Variants in WDR76 observed in about 807,000 individuals in gnomAD.
WDR76 encodes WD repeat-containing protein 76.
In WDR76, 52 loss-of-function variants were observed where a neutral mutation model predicts 70.2. The observed-to-expected ratio is 0.74, with a 90% CI of 0.59 to 0.93. WDR76 has a LOEUF of 0.93. Ranked by LOEUF, WDR76 falls within the 40% of genes least tolerant of loss-of-function variation. The probability of loss-of-function intolerance (pLI) is 0.00; values close to 1 mark genes in which losing one functional copy is unlikely to be tolerated. For missense variants in WDR76, 756 were observed against 760.2 expected, an observed-to-expected ratio of 0.99 and a Z score of 0.07; for synonymous variants, 292 against 271.1, an observed-to-expected ratio of 1.08 and a Z score of -0.76.
chr15:43,866,848 G>T lies in WDR76; in HGVS notation c.*456G>T, dbSNP rs1014567733. 1 of 157,730 alleles carries T rather than the reference G, an allele frequency of 6.3e-6. No individual in the cohort carries two copies. Among genetic ancestry groups the T allele is most frequent in the African/African-American group, 2.4e-5 (1 of 41,344 alleles). 9.8% of individuals were successfully genotyped at this position (157,730 alleles called of 1,614,324 possible). A position where few individuals can be genotyped will look rare whatever the true frequency, so the allele number is the denominator to read the frequency against. ...TCATCATGTTGGCCAGGCTGGTCTCGAGCTCCTGACCTCAGGTGATCTGCC... is the reference window on the plus strand; with the variant it reads ...TCATCATGTTGGCCAGGCTGGTCTCTAGCTCCTGACCTCAGGTGATCTGCC... On this transcript the variant is annotated 3_prime_UTR_variant, in exon 13 of 13. Coordinates refer to ENST00000263795, the MANE Select transcript of WDR76 (RefSeq NM_024908.4).
At chr15:43,864,584 T>C (rs987265691) in intron 12 of WDR76, among the ~76,000 whole-genome samples, 14 of 152,172 alleles carry the variant, frequency 9.2e-5, no homozygotes, top group African/African-American at 2.7e-4. Context: ...TTGCCCATTT[T>C]TTAATTATTT....
chr15:43,858,315 C>T (rs565187988), intron 10 of WDR76, among the ~76,000 whole-genome samples: 6 of 150,454 alleles, frequency 4.0e-5, no homozygotes, highest in African/African-American at 9.8e-5. Context: ...AGTGCAATGG[C>T]GCGATCTCGG....
chr15:43,850,765 T>C (rs2087847971), intron 8 of WDR76, among the ~76,000 whole-genome samples: 1 of 152,220 alleles, frequency 6.6e-6, no homozygotes, highest in African/African-American at 2.4e-5. Context: ...TTAGCAATTA[T>C]ACCATGTGTG....
chr15:43,864,108 A>T (rs2088039712), intron 12 of WDR76: 1 of 152,186 alleles, frequency 6.6e-6, no homozygotes, highest in South Asian at 2.1e-4. Flanking sequence ...CATCCACGAC[A>T]GGATTTTCTT....
At chr15:43,832,434 T>G (rs918940233) in intron 2 of WDR76, among the ~76,000 whole-genome samples, 3 of 7,302 alleles carry the variant, frequency 4.1e-4, no homozygotes, top group African/African-American at 7.9e-4. Flanking sequence ...TCATCTTTGT[T>G]TTTTTTTTGT....
intron 12 of WDR76, among the ~76,000 whole-genome samples, chr15:43,861,664 A>G (rs926177157): frequency 1.3e-5 from 2 of 151,918 alleles, no homozygotes; most frequent in Non-Finnish European, 2.9e-5. Context: ...GAACTGAATT[A>G]CTCATGTTAT....
intron 9 of WDR76, among the ~76,000 whole-genome samples, chr15:43,853,634 G>A (rs1174340021): frequency 3.3e-5 from 5 of 152,018 alleles, no homozygotes; most frequent in East Asian, 1.9e-4. Context: ...CACCGGGTGC[G>A]GTGGCTCACC....
chr15:43,863,039 G>A (rs1304597837), intron 12 of WDR76, among the ~76,000 whole-genome samples: 1 of 151,110 alleles, frequency 6.6e-6, no homozygotes, highest in African/African-American at 2.4e-5. Flanking sequence ...GGGTTCAGGC[G>A]ATTCTCCTGC....
chr15:43,840,648 A>G (rs2087713212), intron 5 of WDR76, among the ~76,000 whole-genome samples: 1 of 152,154 alleles, frequency 6.6e-6, no homozygotes, highest in Non-Finnish European at 1.5e-5. Context: ...AGCATAGAAG[A>G]GTAGCTTCAA....
At chr15:43,851,004 C>T in intron 8 of WDR76, 83 bp from the exon 9 acceptor site, 1 of 1,515,898 alleles carries the variant, frequency 6.6e-7, no homozygotes, top group East Asian at 2.3e-5. Flanking sequence ...AGTGTAAATT[C>T]TTTAATGACA....
In WDR76 at chr15:43,850,990, A is replaced by G; in HGVS notation, c.1033-97A>G. 1.2e-5 allele frequency: 17 copies of G among 1,434,646 alleles called. No individual in the cohort carries two copies. In the South Asian group the frequency reaches 2.3e-4, roughly 19 times the overall value. The allele number at this position is 1,434,646 out of a possible 1,614,324, so 88.9% of individuals were successfully genotyped here. A position where few individuals can be genotyped will look rare whatever the true frequency, so the allele number is the denominator to read the frequency against. ...ATAGACTAAGAAAAGACTGAATATA[A>G]TCCAGTGTAAATTCTTTAATGACAT... On this transcript the variant is annotated intron_variant, in intron 8 of 12. Coordinates refer to ENST00000263795, the MANE Select transcript of WDR76 (RefSeq NM_024908.4).
At chr15:43,863,299 T>C (rs1406295879) in intron 12 of WDR76, among the ~76,000 whole-genome samples, 1 of 152,176 alleles carries the variant, frequency 6.6e-6, no homozygotes, top group African/African-American at 2.4e-5. Context: ...TTTTGAAATA[T>C]ATACATTGTG....
At chr15:43,832,758 T>G (rs2087607625) in intron 2 of WDR76, among the ~76,000 whole-genome samples, 1 of 136,004 alleles carries the variant, frequency 7.4e-6, no homozygotes, top group Non-Finnish European at 1.6e-5. Flanking sequence ...TTTTTTTTTT[T>G]TTTTTTTTTT....
At chr15:43,837,395 C>A (rs2729494) in intron 4 of WDR76, among the ~76,000 whole-genome samples, 123,210 of 152,196 alleles carry the variant, frequency 0.81, 50,216 homozygotes, top group East Asian at 1. Flanking sequence ...TCCTGTTGCC[C>A]GCTGATTAGT....
Position 43,836,152 on chromosome 15 carries a change from A to G in WDR76, c.553-9A>G, listed in dbSNP as rs373128346. ...TATAACATTTTTACATGATTTTTAT[A>G]CTTTACAGTCTGCTGCAAGACTCCG... On this transcript the variant is annotated splice_polypyrimidine_tract_variant and intron_variant, in intron 3 of 12. Coordinates refer to ENST00000263795, the MANE Select transcript of WDR76 (RefSeq NM_024908.4). 3.0e-5 allele frequency: 48 copies of G among 1,601,824 alleles called. No homozygotes were observed. Among genetic ancestry groups the G allele is most frequent in the Non-Finnish European group, 3.6e-5 (42 of 1,175,442 alleles).
chr15:43,833,852 G>C (rs1458838079), intron 2 of WDR76, among the ~76,000 whole-genome samples: 1 of 151,800 alleles, frequency 6.6e-6, no homozygotes, highest in Non-Finnish European at 1.5e-5. Context: ...GGCCAGGATG[G>C]TCCTGATTTC....
At chr15:43,832,637 G>C (rs567563244) in intron 2 of WDR76, among the ~76,000 whole-genome samples, 3 of 150,616 alleles carry the variant, frequency 2.0e-5, no homozygotes, top group African/African-American at 7.3e-5. Context: ...GTAGAGATTA[G>C]GTTTCACCAT....
At chr15:43,841,200 TG>T (rs1458272280) in intron 5 of WDR76, among the ~76,000 whole-genome samples, 113 of 142,266 alleles carry the variant, frequency 7.9e-4, no homozygotes, top group African/African-American at 2.0e-3. Context: ...TTTGTTTTTT[TG>T]TTTTTTTTTT....
chr15:43,863,561 A>ATTT (rs1567194187), intron 12 of WDR76, among the ~76,000 whole-genome samples: 67 of 138,910 alleles, frequency 4.8e-4, no homozygotes, highest in Admixed American at 1.9e-3. Flanking sequence ...CTCTTTTTTA[A>ATTT]AAAAAAAAAA....
Sources: gnomAD v4.1 joint callset for allele counts (sites outside exome capture counted in the v4.1 genomes callset) on GRCh38, gnomAD v4.1.1 for gene constraint, MANE v1.5 for transcripts, NCBI Gene and HGNC (gene_info 2026-07-23, HGNC 2026-07-21) for gene names.